Variants in LCLAT1 observed in about 807,000 individuals in gnomAD.
LCLAT1 encodes 1-AGP acyltransferase 8.
Under a neutral mutation model 30.7 loss-of-function variants are expected in LCLAT1, and 11 were observed. That is an observed-to-expected ratio of 0.36 (90% confidence interval 0.23 to 0.59). The LOEUF is 0.59. Among genes scored for constraint, LCLAT1 ranks in the 20% least tolerant of loss-of-function variants. LCLAT1 has a pLI of 0.77. For synonymous variants in LCLAT1, 155 were observed against 151.3 expected, an observed-to-expected ratio of 1.02 and a Z score of -0.18; for missense variants, 402 against 458.6, an observed-to-expected ratio of 0.88 and a Z score of 1.13.
chr2:30,453,674 A>T (rs1390834913), intron 1 of LCLAT1, among the ~76,000 whole-genome samples: 1 of 152,194 alleles, frequency 6.6e-6, no homozygotes, highest in East Asian at 1.9e-4. Flanking sequence ...GGAGATAAAC[A>T]CAAATCAGTG....
chr2:30,619,718 A>C (rs916350600), intron 5 of LCLAT1, among the ~76,000 whole-genome samples: 5 of 152,126 alleles, frequency 3.3e-5, no homozygotes, highest in Non-Finnish European at 7.4e-5. Flanking sequence ...TTGAGTGGTA[A>C]ACTTAGAAGC....
chr2:30,585,668 C>T (rs541098517), intron 5 of LCLAT1, among the ~76,000 whole-genome samples: 10 of 152,180 alleles, frequency 6.6e-5, no homozygotes, highest in Non-Finnish European at 1.2e-4. Flanking sequence ...AATCATCCTT[C>T]TGTGTTCATG....
At chr2:30,471,435 C>G (rs1442877520) in intron 1 of LCLAT1, among the ~76,000 whole-genome samples, 1 of 151,926 alleles carries the variant, frequency 6.6e-6, no homozygotes, top group African/African-American at 2.4e-5. Context: ...GTCTTGAACT[C>G]CTGACCTCAA....
Position 30,568,269 on chromosome 2 carries a change from T to TA in LCLAT1, c.628+94dup, listed in dbSNP as rs1665595168. On this transcript the variant is annotated intron_variant, in intron 5 of 5. Transcript: ENST00000379509. ...CCTTTAGAGTTTGTAAAGGATTTTT[T>TA]ACTACTTTGTCTCAAGAAATGAGAT... The TA allele has an allele frequency of 2.2e-5, 13 of 590,908 alleles. No individual in the cohort carries two copies. In the Middle Eastern group the frequency reaches 8.3e-4, roughly 38 times the overall value. The allele number at this position is 590,908 out of a possible 1,614,324, so 36.6% of individuals were successfully genotyped here.
chr2:30,623,433 C>T (rs533133166), intron 5 of LCLAT1, among the ~76,000 whole-genome samples: 2 of 152,238 alleles, frequency 1.3e-5, no homozygotes, highest in South Asian at 2.1e-4. Flanking sequence ...AAAACAACTT[C>T]TGGAAATGGA....
chr2:30,465,957 G>A (rs905029571), intron 1 of LCLAT1, among the ~76,000 whole-genome samples: 2 of 150,380 alleles, frequency 1.3e-5, no homozygotes, highest in Admixed American at 6.7e-5. Context: ...TATAACTAAT[G>A]TTACAATTAA....
intron 1 of LCLAT1, among the ~76,000 whole-genome samples, chr2:30,495,520 A>G (rs189779956): frequency 5.9e-5 from 9 of 152,320 alleles, no homozygotes; most frequent in Admixed American, 5.2e-4. Flanking sequence ...AATTTAAAAT[A>G]CAGTATAAGA....
chr2:30,496,143 G>A (rs967951493), intron 1 of LCLAT1, among the ~76,000 whole-genome samples: 7 of 152,022 alleles, frequency 4.6e-5, no homozygotes, highest in Middle Eastern at 3.2e-3. Context: ...TATAAACAAC[G>A]AGATCTCATG....
chr2:30,540,954 C>T (rs998714032), intron 3 of LCLAT1, among the ~76,000 whole-genome samples: 15 of 152,266 alleles, frequency 9.9e-5, no homozygotes, highest in South Asian at 2.1e-4. Context: ...TGAGCCACCA[C>T]ACCCGGCCAC....
chr2:30,590,892 T>C lies in LCLAT1; in HGVS notation c.628+22716T>C, dbSNP rs1420937428. On this transcript the variant is annotated intron_variant, in intron 5 of 5. Coordinates refer to ENST00000379509, the MANE Select transcript of LCLAT1 (RefSeq NM_001002257.3). Reference sequence around the variant, plus strand: ...AGAAATGCCTAGCCAAGACTAGATATCACAGATGAAATACACTGCATGATT... The same window carrying C: ...AGAAATGCCTAGCCAAGACTAGATACCACAGATGAAATACACTGCATGATT... Among the ~76,000 whole-genome samples the C allele has an allele frequency of 2.6e-5, 4 of 152,260 alleles. No homozygotes were observed. The East Asian group carries it at 7.7e-4, about 29-fold the overall frequency.
chr2:30,539,195 C>T (rs1663984219), intron 3 of LCLAT1, among the ~76,000 whole-genome samples: 1 of 151,588 alleles, frequency 6.6e-6, no homozygotes, highest in African/African-American at 2.4e-5. Context: ...GTGATCCGCC[C>T]GCCTCAGCCT....
chr2:30,455,305 G>A (rs1015707005), intron 1 of LCLAT1, among the ~76,000 whole-genome samples: 10 of 152,248 alleles, frequency 6.6e-5, no homozygotes, highest in South Asian at 2.1e-4. Context: ...TTGGAGATGG[G>A]GAGATATTTA....
At chr2:30,594,832 A>G (rs1233320912) in intron 5 of LCLAT1, among the ~76,000 whole-genome samples, 1 of 152,228 alleles carries the variant, frequency 6.6e-6, no homozygotes, top group Admixed American at 6.5e-5. Context: ...GGCATCTACA[A>G]AGTTTATGCT....
At chr2:30,522,254 A>T (rs1685512553) in intron 1 of LCLAT1, among the ~76,000 whole-genome samples, 1 of 152,218 alleles carries the variant, frequency 6.6e-6, no homozygotes, top group East Asian at 1.9e-4. Flanking sequence ...TTAGGATTTT[A>T]AGAAACTACC....
Position 30,479,804 on chromosome 2 carries a change from C to T in LCLAT1, c.-5+32421C>T, listed in dbSNP as rs1179387586. On this transcript the variant is annotated intron_variant, in intron 1 of 5. Transcript: ENST00000379509. ...AGAAGGCTGAAAGTATGTACCAAAA[C>T]GAAACACAAAAAAGAAAAAAGTAAA... Among the ~76,000 whole-genome samples the T allele has an allele frequency of 5.3e-5, 8 of 151,968 alleles. 1 individual carries two copies. The South Asian group carries it at 6.2e-4, about 12-fold the overall frequency.
chr2:30,621,674 C>A (rs1216087004), intron 5 of LCLAT1, among the ~76,000 whole-genome samples: 1 of 152,088 alleles, frequency 6.6e-6, no homozygotes, highest in Non-Finnish European at 1.5e-5. Context: ...TGGATTTGAC[C>A]TTACCTGGAG....
intron 1 of LCLAT1, among the ~76,000 whole-genome samples, chr2:30,480,879 A>G (rs1029336740): frequency 2.0e-5 from 3 of 152,238 alleles, no homozygotes; most frequent in African/African-American, 7.2e-5. Context: ...AGAGGGAATG[A>G]CAGGTGGAAA....
chr2:30,472,806 A>G (rs976315666), intron 1 of LCLAT1, among the ~76,000 whole-genome samples: 4 of 152,284 alleles, frequency 2.6e-5, no homozygotes, highest in Non-Finnish European at 4.4e-5. Context: ...TTTTGTCTCC[A>G]CAAGTCTTGC....
At chr2:30,612,080 T>C (rs1456562248) in intron 5 of LCLAT1, among the ~76,000 whole-genome samples, 1 of 152,198 alleles carries the variant, frequency 6.6e-6, no homozygotes, top group Non-Finnish European at 1.5e-5. Flanking sequence ...TTGGTGGTTC[T>C]ATTTAAAGAC....
Sources: allele counts gnomAD v4.1 joint callset (sites outside exome capture counted in the v4.1 genomes callset), GRCh38; gene constraint gnomAD v4.1.1; transcripts MANE v1.5; gene names NCBI Gene and HGNC (gene_info 2026-07-23, HGNC 2026-07-21).